Variants in DNAH5 observed in about 807,000 individuals in gnomAD.
The protein encoded by DNAH5 is axonemal beta dynein heavy chain 5.
A neutral mutation model predicts 518.2 loss-of-function variants in DNAH5; 372 were observed. The observed-to-expected ratio is 0.72, with a 90% CI of 0.66 to 0.78. The LOEUF is 0.78. DNAH5 is among the 30% of genes least tolerant of loss of function. The pLI is 0.00. For missense variants in DNAH5, 5,523 were observed against 5,687.0 expected, an observed-to-expected ratio of 0.97 and a Z score of 0.93; for synonymous variants, 2,039 against 2,025.9, an observed-to-expected ratio of 1.01 and a Z score of -0.17.
intron 68 of DNAH5, among the ~76,000 whole-genome samples, chr5:13,732,280 T>G (rs1417527405): frequency 6.6e-6 from 1 of 152,184 alleles, no homozygotes; most frequent in Non-Finnish European, 1.5e-5. Context: ...CACCAGTGAT[T>G]TGGTGTCTGG....
At position 13,914,536 on chromosome 5, in the gene DNAH5, G is replaced by A. The variant is rs766164602; in HGVS notation, c.1304C>T (p.Ala435Val). ...QDVVEEKILS[A>V]IKLKQEYQLC... is the part of the protein sequence containing the mutation. ...GACCATTACCTGTTTCAGTTTAATCGCAGATAGTATTTTTTCTTCAACAAC... is the reference window on the plus strand; with the variant it reads ...GACCATTACCTGTTTCAGTTTAATCACAGATAGTATTTTTTCTTCAACAAC... Residue 435 changes from alanine (A) to valine (V), a missense_variant, in exon 10 of 79, where the codon GCG (alanine) becomes GTG (valine). Physicochemically the swap from Ala to Val is moderately conservative, Grantham distance 64 (BLOSUM62 0). Coordinates refer to ENST00000265104, the MANE Select transcript of DNAH5 (RefSeq NM_001369.3). 1.0e-4 allele frequency: 164 copies of A among 1,612,862 alleles called. No homozygotes were observed. Among genetic ancestry groups the A allele is most frequent in the Non-Finnish European group, 1.3e-4 (157 of 1,179,358 alleles).
intron 31 of DNAH5, among the ~76,000 whole-genome samples, chr5:13,849,288 C>T (rs372036828): frequency 6.6e-4 from 100 of 152,324 alleles, no homozygotes; most frequent in Non-Finnish European, 5.0e-4. Flanking sequence ...CTTCCACCAA[C>T]GTGGATATGA....
At chr5:13,734,478 C>G (rs1378335142) in intron 68 of DNAH5, among the ~76,000 whole-genome samples, 1 of 152,192 alleles carries the variant, frequency 6.6e-6, no homozygotes, top group Non-Finnish European at 1.5e-5. Context: ...GTGAGCAATG[C>G]TTCAGTAGAT....
At chr5:13,829,804 C>T in intron 37 of DNAH5, 100 bp from the exon 38 acceptor site, 1 of 1,279,928 alleles carries the variant, frequency 7.8e-7, no homozygotes, top group Non-Finnish European at 1.1e-6. Context: ...TCTGGAATGA[C>T]AACCAGGGAA....
In DNAH5 at chr5:13,885,999, T is replaced by C. The variant is rs749503841; in HGVS notation, c.2708A>G (p.Asn903Ser). ...LSEEESEKIS[N>S]ENSVNYKNES... is the part of the protein sequence containing the mutation. ...ATTTTTGTAATTAACACTATTCTCA[T>C]TGGATATTTTTTCACTTTCTTCTTC... Residue 903 changes from asparagine to serine, a missense_variant, in exon 18 of 79, where the codon AAT becomes AGT. Transcript: ENST00000265104. The C allele has an allele frequency of 3.1e-6, 5 of 1,613,122 alleles. No homozygotes were observed. Among genetic ancestry groups the C allele is most frequent in the Non-Finnish European group, 2.5e-6 (3 of 1,179,836 alleles).
At chr5:13,991,782 G>T (rs1783573142) in intron 1 of DNAH5, among the ~76,000 whole-genome samples, 1 of 152,194 alleles carries the variant, frequency 6.6e-6, no homozygotes, top group African/African-American at 2.4e-5. Context: ...GAAAACCCAT[G>T]TAGCCTAAAA....
At chr5:13,841,476 A>G (rs1449581226) in intron 33 of DNAH5, among the ~76,000 whole-genome samples, 1 of 152,252 alleles carries the variant, frequency 6.6e-6, no homozygotes. Context: ...CATCAAATAT[A>G]TCTATAACCC....
chr5:13,828,029 G>C (rs1468373665), intron 38 of DNAH5, among the ~76,000 whole-genome samples: 2 of 152,194 alleles, frequency 1.3e-5, no homozygotes, highest in Non-Finnish European at 2.9e-5. Context: ...AAATTAACCA[G>C]TCTCAGGTAT....
In DNAH5 at chr5:13,749,323, T is replaced by C. The variant is rs58771361; in HGVS notation, c.11211+1755A>G. 5.4e-3 allele frequency among the ~76,000 whole-genome samples: 829 copies of C among 152,274 alleles called. 12 individuals carry two copies. Among genetic ancestry groups the C allele is most frequent in the African/African-American group, 0.019 (783 of 41,548 alleles). ...TTTACTGTGAGCCCAGAACAGATTC[T>C]GATAATGAGATAATATTAAAGGAGT... On this transcript the variant is annotated intron_variant, in intron 65 of 78. Coordinates refer to ENST00000265104, the MANE Select transcript of DNAH5 (RefSeq NM_001369.3).
At chr5:13,765,582 T>C (rs1201061816) in intron 59 of DNAH5, among the ~76,000 whole-genome samples, 1 of 152,188 alleles carries the variant, frequency 6.6e-6, no homozygotes, top group African/African-American at 2.4e-5. Flanking sequence ...ATTCATCAAG[T>C]TATACATTTA....
chr5:13,851,843 C>A (rs1480779095), intron 30 of DNAH5, among the ~76,000 whole-genome samples: 1 of 152,006 alleles, frequency 6.6e-6, no homozygotes, highest in East Asian at 1.9e-4. Flanking sequence ...ACACAGAAGG[C>A]AGATTATTTC....
chr5:13,967,685 T>A (rs1297700441), intron 1 of DNAH5, among the ~76,000 whole-genome samples: 1 of 152,184 alleles, frequency 6.6e-6, no homozygotes, highest in African/African-American at 2.4e-5. Context: ...GGGCTCTTTT[T>A]TGGTTCTATA....
In DNAH5 at chr5:13,807,836, T is replaced by C. The variant is rs114843013; in HGVS notation, c.7753-111A>G. 532 of 927,778 alleles carry C rather than the reference T, an allele frequency of 5.7e-4. 5 individuals carry two copies. In the African/African-American group the frequency reaches 8.3e-3, roughly 14 times the overall value. The allele number at this position is 927,778 out of a possible 1,614,324, so 57.5% of individuals were successfully genotyped here. On this transcript the variant is annotated intron_variant, in intron 46 of 78. Coordinates refer to ENST00000265104, the MANE Select transcript of DNAH5 (RefSeq NM_001369.3). The stretch of plus-strand genomic sequence containing the variant: ...ATCTTCAACCCCTAGTACCTTAAAA[T>C]GTGATTCTATTTGGAGATAAGGTCT...
chr5:13,802,423 T>G (rs1012931865), intron 47 of DNAH5, among the ~76,000 whole-genome samples: 1 of 152,138 alleles, frequency 6.6e-6, no homozygotes, highest in Non-Finnish European at 1.5e-5. Context: ...CTTTTATAAT[T>G]CCTAGAAATT....
chr5:13,846,254 G>T (rs140920543), intron 31 of DNAH5, among the ~76,000 whole-genome samples: 1 of 152,190 alleles, frequency 6.6e-6, no homozygotes, highest in Non-Finnish European at 1.5e-5. Context: ...CATAGTACCT[G>T]ATAGGTAGTT....
chr5:13,966,371 G>C (rs1245223575), intron 1 of DNAH5, among the ~76,000 whole-genome samples: 1 of 152,160 alleles, frequency 6.6e-6, no homozygotes, highest in East Asian at 1.9e-4. Context: ...CCTCTGGGTA[G>C]ATACCCAGTA....
chr5:13,829,358 T>A, intron 38 of DNAH5, 152 bp downstream of exon 38: 1 of 682,042 alleles, frequency 1.5e-6, no homozygotes, highest in Non-Finnish European at 2.5e-6. Context: ...ACTATGCATA[T>A]AAAATTATTT....
In DNAH5 at chr5:13,787,135, G is replaced by T. The variant is rs559960676; in HGVS notation, c.8648-784C>A. Among the ~76,000 whole-genome samples the T allele has an allele frequency of 5.3e-5, 8 of 151,182 alleles. No homozygotes were observed. In the South Asian group the frequency reaches 1.7e-3, roughly 32 times the overall value. On this transcript the variant is annotated intron_variant, in intron 51 of 78. Transcript: ENST00000265104. ...CTCGGGAGGCTGAGGCAGGAGAATCGTCAGGAGGCCGAGGTTGCCATAAGC... is the reference window on the plus strand; with the variant it reads ...CTCGGGAGGCTGAGGCAGGAGAATCTTCAGGAGGCCGAGGTTGCCATAAGC...
chr5:13,841,130 C>T lies in DNAH5; in HGVS notation c.5485G>A (p.Val1829Ile). 1 of 1,611,620 alleles carries T rather than the reference C, an allele frequency of 6.2e-7. No homozygotes were observed. Among genetic ancestry groups the T allele is most frequent in the Non-Finnish European group, 8.5e-7 (1 of 1,178,046 alleles). Residue 1829 changes from valine to isoleucine, a missense_variant and splice_region_variant, in exon 34 of 79, where the codon GTT (valine) becomes ATT (isoleucine). Physicochemically the swap from Val to Ile is conservative, Grantham distance 29. Coordinates refer to ENST00000265104, the MANE Select transcript of DNAH5 (RefSeq NM_001369.3). Reference sequence around the variant, plus strand: ...ATCATCTGAATTCCTAATAATCCAACCTTATGGAAATAAAAAAGGCTTCAT... The same window carrying T: ...ATCATCTGAATTCCTAATAATCCAATCTTATGGAAATAAAAAAGGCTTCAT... The part of the protein sequence containing the change: ...TEFLSSFPAQ[V>I]GLLGIQMIWT...
Sources: allele counts gnomAD v4.1 joint callset (sites outside exome capture counted in the v4.1 genomes callset), GRCh38; gene constraint gnomAD v4.1.1; transcripts MANE v1.5; gene names NCBI Gene and HGNC (gene_info 2026-07-23, HGNC 2026-07-21).